The following CNTNAP2 variants were observed in gnomAD, a reference collection of about 807,000 sequenced individuals.
The protein encoded by CNTNAP2 is contactin associated protein 2.
CNTNAP2 carries 98 observed loss-of-function variants against 155.2 expected under a neutral mutation model. That is an observed-to-expected ratio of 0.63 (90% CI 0.54 to 0.75). The LOEUF (loss-of-function observed/expected upper bound fraction) is 0.75. Among genes scored for constraint, CNTNAP2 ranks in the 30% least tolerant of loss-of-function variants. The pLI is 0.00. For missense variants in CNTNAP2, 1,727 were observed against 1,688.1 expected (o/e 1.02, Z -0.40); for synonymous variants, 651 against 631.2 (o/e 1.03, Z -0.47).
chr7:146,498,196 T>C (rs940740242), intron 1 of CNTNAP2, among the ~76,000 whole-genome samples: 1 of 152,166 alleles, frequency 6.6e-6, no homozygotes, highest in African/African-American at 2.4e-5. Context: ...TTTGGAAATT[T>C]AAAGATGGGA....
chr7:146,305,955 G>C (rs986224374), intron 1 of CNTNAP2, among the ~76,000 whole-genome samples: 10 of 152,056 alleles, frequency 6.6e-5, no homozygotes, highest in African/African-American at 2.4e-4. Flanking sequence ...AATGAATCCA[G>C]GAGCTGGTTT....
At chr7:146,481,026 A>G (rs1022071651) in intron 1 of CNTNAP2, among the ~76,000 whole-genome samples, 1 of 151,912 alleles carries the variant, frequency 6.6e-6, no homozygotes, top group Non-Finnish European at 1.5e-5. Flanking sequence ...CAAATCTCAG[A>G]GGTAAAGACT....
intron 1 of CNTNAP2, among the ~76,000 whole-genome samples, chr7:146,570,806 A>T (rs1798430098): frequency 6.6e-6 from 1 of 151,940 alleles, no homozygotes; most frequent in Non-Finnish European, 1.5e-5. Flanking sequence ...AGTATTTAAT[A>T]ATAAAATATA....
chr7:147,346,195 C>T lies in CNTNAP2; in HGVS notation c.1498+45905C>T, dbSNP rs530595762. On this transcript the variant is annotated intron_variant, in intron 9 of 23. Coordinates refer to ENST00000361727, the MANE Select transcript of CNTNAP2 (RefSeq NM_014141.6). Reference sequence around the variant, plus strand: ...CAGAGTCTCGCTCTGTCGTCCAGGCCGGACTGCGGACTGCAGTGGCGCAAT... The same window carrying T: ...CAGAGTCTCGCTCTGTCGTCCAGGCTGGACTGCGGACTGCAGTGGCGCAAT... 1.8e-4 allele frequency among the ~76,000 whole-genome samples: 27 copies of T among 148,610 alleles called. No homozygotes were observed. The South Asian group carries it at 4.7e-3, about 26-fold the overall frequency.
intron 14 of CNTNAP2, among the ~76,000 whole-genome samples, chr7:147,917,304 C>A (rs1800177602): frequency 6.6e-6 from 1 of 152,188 alleles, no homozygotes; most frequent in Admixed American, 6.5e-5. Flanking sequence ...AGGTTAAAAA[C>A]CATTGATATA....
intron 1 of CNTNAP2, among the ~76,000 whole-genome samples, chr7:146,139,473 T>A (rs1662568563): frequency 6.6e-6 from 1 of 152,148 alleles, no homozygotes; most frequent in African/African-American, 2.4e-5. Flanking sequence ...TTTAAAAGGG[T>A]TTCTAAAAAT....
intron 5 of CNTNAP2, among the ~76,000 whole-genome samples, chr7:147,119,880 T>C (rs1013999503): frequency 6.6e-6 from 1 of 152,172 alleles, no homozygotes; most frequent in African/African-American, 2.4e-5. Context: ...TATATTTTTA[T>C]AGTGATTAAT....
chr7:147,950,047 G>C lies in CNTNAP2; in HGVS notation c.2256-27815G>C, dbSNP rs145094417. Among the ~76,000 whole-genome samples, 220 of 152,204 alleles carry C rather than the reference G, an allele frequency of 1.4e-3. 2 individuals are homozygous for C. Among genetic ancestry groups the C allele is most frequent in the Non-Finnish European group, 2.3e-3 (154 of 68,006 alleles). Reference sequence around the variant, plus strand: ...CCAACTTTTACCCATCAAAGGCTTGGGGAGAAAGGGAATCCATTGCAATGA... The same window carrying C: ...CCAACTTTTACCCATCAAAGGCTTGCGGAGAAAGGGAATCCATTGCAATGA... On this transcript the variant is annotated intron_variant, in intron 14 of 23. Transcript: ENST00000361727.
chr7:147,090,948 T>G (rs1454298940), intron 4 of CNTNAP2, among the ~76,000 whole-genome samples: 3 of 152,078 alleles, frequency 2.0e-5, no homozygotes, highest in Non-Finnish European at 4.4e-5. Flanking sequence ...ATTCTTCCAT[T>G]TAGGATCTAA....
At chr7:147,486,928 A>G (rs1398282807) in intron 11 of CNTNAP2, among the ~76,000 whole-genome samples, 1 of 77,180 alleles carries the variant, frequency 1.3e-5, no homozygotes, top group Non-Finnish European at 2.7e-5. Context: ...GGGAAGGAAG[A>G]GCAAGAGAAA....
chr7:147,237,414 C>T (rs746157327), intron 8 of CNTNAP2, among the ~76,000 whole-genome samples: 41 of 152,246 alleles, frequency 2.7e-4, no homozygotes, highest in Non-Finnish European at 5.4e-4. Flanking sequence ...ATAACAGACT[C>T]TGTTGTTTTC....
chr7:147,072,908 A>G lies in CNTNAP2; in HGVS notation c.550+28854A>G, dbSNP rs1296877586. On this transcript the variant is annotated intron_variant, in intron 4 of 23. Coordinates refer to ENST00000361727, the MANE Select transcript of CNTNAP2 (RefSeq NM_014141.6). ...TGCTCTGTTGCCCAGGCTGGAGTGC[A>G]GTGGTGTGATCTCGGCTCACTGCAA... is the stretch of plus-strand genomic sequence containing the variant. Among the ~76,000 whole-genome samples, 21 of 127,598 alleles carry G rather than the reference A, an allele frequency of 1.6e-4. No homozygotes were observed. In the Admixed American group the frequency reaches 2.0e-3, roughly 12 times the overall value. The allele number at this position is 127,598 out of a possible 152,430, so 83.7% of individuals were successfully genotyped here. A position where few individuals can be genotyped will look rare whatever the true frequency, so the allele number is the denominator to read the frequency against.
chr7:146,733,847 A>T (rs969697740), intron 1 of CNTNAP2, among the ~76,000 whole-genome samples: 3 of 152,170 alleles, frequency 2.0e-5, no homozygotes, highest in African/African-American at 7.2e-5. Flanking sequence ...CACATCTGTT[A>T]CTTGACCATG....
chr7:146,739,201 T>G (rs577274406), intron 1 of CNTNAP2, among the ~76,000 whole-genome samples: 29 of 151,972 alleles, frequency 1.9e-4, no homozygotes, highest in South Asian at 8.3e-4. Flanking sequence ...TTTTTGTTTT[T>G]CAAGTTTCTT....
intron 9 of CNTNAP2, among the ~76,000 whole-genome samples, chr7:147,367,571 A>C (rs1462653101): frequency 6.6e-6 from 1 of 152,204 alleles, no homozygotes; most frequent in African/African-American, 2.4e-5. Context: ...CAAAGCAGGA[A>C]GAAAGATTGT....
chr7:148,340,479 A>G (rs906679487), intron 21 of CNTNAP2, among the ~76,000 whole-genome samples: 1 of 152,198 alleles, frequency 6.6e-6, no homozygotes, highest in Non-Finnish European at 1.5e-5. Context: ...TTGGTTATCC[A>G]TGAAGGTGGC....
intron 3 of CNTNAP2, among the ~76,000 whole-genome samples, chr7:146,969,911 C>A (rs1237517355): frequency 6.6e-6 from 1 of 152,128 alleles, no homozygotes; most frequent in Non-Finnish European, 1.5e-5. Flanking sequence ...TGCCGCATAT[C>A]TACAACTATC....
At chr7:147,295,253 A>ATG (rs35124310) in intron 8 of CNTNAP2, among the ~76,000 whole-genome samples, 15 of 151,432 alleles carry the variant, frequency 9.9e-5, no homozygotes, top group East Asian at 3.9e-4. Context: ...GTGTGTACCC[A>ATG]TGTGTGTGTG....
chr7:147,102,862 G>C (rs1168289554), intron 4 of CNTNAP2, among the ~76,000 whole-genome samples: 1 of 151,546 alleles, frequency 6.6e-6, no homozygotes, highest in Non-Finnish European at 1.5e-5. Context: ...GAGTCCACCA[G>C]AGTTGTGTCT....
Sources: gnomAD v4.1 joint callset for allele counts (sites outside exome capture counted in the v4.1 genomes callset) on GRCh38, gnomAD v4.1.1 for gene constraint, MANE v1.5 for transcripts, NCBI Gene and HGNC (gene_info 2026-07-23, HGNC 2026-07-21) for gene names.